ACAA2: variants seen among roughly 807,000 people sequenced by gnomAD.
ACAA2 encodes the protein acetyl-CoA acyltransferase 2, also known as 3-ketoacyl-CoA thiolase, mitochondrial.
In ACAA2, 35 loss-of-function variants were observed where a neutral mutation model predicts 44.8. The ratio of observed to expected loss-of-function variants is 0.78; its 90% CI spans 0.60 to 1.04. The LOEUF (loss-of-function observed/expected upper bound fraction) is 1.04. ACAA2 is among the 50% of genes least tolerant of loss of function. The pLI is 0.00. For synonymous variants in ACAA2, 142 were observed against 166.5 expected, an observed-to-expected ratio of 0.85 and a Z score of 1.13; for missense variants, 468 against 482.6, an observed-to-expected ratio of 0.97 and a Z score of 0.28.
At chr18:49,798,268 G>C (rs2023487910) in intron 2 of ACAA2, among the ~76,000 whole-genome samples, 1 of 152,186 alleles carries the variant, frequency 6.6e-6, no homozygotes, top group Non-Finnish European at 1.5e-5. Flanking sequence ...GGAGAAGACA[G>C]ATGAATGATT....
chr18:49,805,322 T>A (rs142258710), intron 1 of ACAA2, among the ~76,000 whole-genome samples: 1 of 152,216 alleles, frequency 6.6e-6, no homozygotes, highest in Non-Finnish European at 1.5e-5. Context: ...ATTCCTATTT[T>A]GAGAAATTTG....
chr18:49,813,532 C>G lies in ACAA2; in HGVS notation c.-48G>C. The stretch of plus-strand genomic sequence containing the variant: ...GCGCGGGTCTGTGGTGTGGGGGACG[C>G]TGAGCGGCCGCTCGCAATCACCCAG... On this transcript the variant is annotated 5_prime_UTR_variant, in exon 1 of 10. Coordinates refer to ENST00000285093, the MANE Select transcript of ACAA2 (RefSeq NM_006111.3). 8.1e-7 allele frequency: 1 copy of G among 1,237,110 alleles called. No homozygotes were observed. Among genetic ancestry groups the G allele is most frequent in the Non-Finnish European group, 1.0e-6 (1 of 988,022 alleles). 76.6% of individuals were successfully genotyped at this position (1,237,110 alleles called of 1,614,324 possible).
chr18:49,802,888 A>G (rs753281700), intron 1 of ACAA2, 35 bp from the exon 2 acceptor site: 2 of 1,610,794 alleles, frequency 1.2e-6, no homozygotes, highest in Non-Finnish European at 1.7e-6. Context: ...AAGCCATCAC[A>G]GGTTAGTAAA....
rs1008697681 is a variant in ACAA2 at position 49,783,887 on chromosome 18, C to G, written c.1154G>C (p.Gly385Ala). ...KYAVGSACIG[G>A]GQGIAVIIQS... The stretch of plus-strand genomic sequence containing the variant: ...AATGATGACAGCAATACCTTGGCCA[C>G]CTCCAATGCAAGCTGATCCAACGGC... Residue 385 changes from glycine to alanine, a missense_variant, in exon 10 of 10, where the codon GGT becomes GCT. Coordinates refer to ENST00000285093, the MANE Select transcript of ACAA2 (RefSeq NM_006111.3). The G allele has an allele frequency of 1.9e-6, 3 of 1,614,008 alleles. No individual in the cohort carries two copies. Among genetic ancestry groups the G allele is most frequent in the Non-Finnish European group, 2.5e-6 (3 of 1,179,988 alleles).
intron 1 of ACAA2, among the ~76,000 whole-genome samples, chr18:49,812,497 T>C (rs543404331): frequency 2.6e-5 from 4 of 152,208 alleles, no homozygotes; most frequent in South Asian, 2.1e-4. Context: ...CAAATCCACC[T>C]CCAAATCTAT....
At chr18:49,806,940 C>G (rs1443997899) in intron 1 of ACAA2, among the ~76,000 whole-genome samples, 1 of 149,866 alleles carries the variant, frequency 6.7e-6, no homozygotes. Context: ...ATCTGAAGAA[C>G]AGATGAAAAA....
At chr18:49,791,224 G>C (rs1446444285) in intron 7 of ACAA2, among the ~76,000 whole-genome samples, 2 of 152,210 alleles carry the variant, frequency 1.3e-5, no homozygotes, top group Admixed American at 1.3e-4. Flanking sequence ...TAATTACTGT[G>C]TGTTGATTTT....
At chr18:49,790,174 T>A (rs978513761) in intron 7 of ACAA2, among the ~76,000 whole-genome samples, 1 of 152,240 alleles carries the variant, frequency 6.6e-6, no homozygotes, top group Non-Finnish European at 1.5e-5. Context: ...CAATAGTGGA[T>A]AGCCAAAAGC....
intron 1 of ACAA2, 108 bp downstream of exon 1, chr18:49,813,361 G>A: frequency 1.1e-6 from 1 of 897,838 alleles, no homozygotes; most frequent in Non-Finnish European, 1.5e-6. Context: ...GAGGTTGAGT[G>A]AACTTCACCC....
intron 1 of ACAA2, among the ~76,000 whole-genome samples, chr18:49,803,348 A>G (rs998447835): frequency 6.6e-6 from 1 of 151,942 alleles, no homozygotes; most frequent in African/African-American, 2.4e-5. Flanking sequence ...AAAGCATTGC[A>G]AAACTTTCTG....
chr18:49,810,297 T>C (rs1016291399), intron 1 of ACAA2, among the ~76,000 whole-genome samples: 1 of 152,176 alleles, frequency 6.6e-6, no homozygotes, highest in Non-Finnish European at 1.5e-5. Context: ...TGTCAAACTT[T>C]TGAAATCCAA....
intron 1 of ACAA2, among the ~76,000 whole-genome samples, chr18:49,806,735 T>C (rs932186781): frequency 6.6e-6 from 1 of 152,046 alleles, no homozygotes; most frequent in African/African-American, 2.4e-5. Flanking sequence ...TGCTCAAGGA[T>C]GTAGAGGAAA....
chr18:49,810,658 T>C (rs1197066044), intron 1 of ACAA2, among the ~76,000 whole-genome samples: 2 of 152,076 alleles, frequency 1.3e-5, no homozygotes, highest in African/African-American at 4.8e-5. Flanking sequence ...AGAGAAAATG[T>C]TCTCAATCAT....
At position 49,792,409 on chromosome 18, in the gene ACAA2, C is replaced by A. The variant is rs1598793888; in HGVS notation, c.578-82G>T. 6 of 1,222,008 alleles carry A rather than the reference C, an allele frequency of 4.9e-6. No homozygotes were observed. In the East Asian group the frequency reaches 1.5e-4, roughly 30 times the overall value. The allele number at this position is 1,222,008 out of a possible 1,614,324, so 75.7% of individuals were successfully genotyped here. ...TCAAACATATTATTCAATTTAATTT[C>A]TGATCTACCTTTTCCTCACAGTCTA... On this transcript the variant is annotated intron_variant, in intron 5 of 9. Transcript: ENST00000285093.
chr18:49,807,102 C>T (rs1182678787), intron 1 of ACAA2, among the ~76,000 whole-genome samples: 1 of 152,202 alleles, frequency 6.6e-6, no homozygotes, highest in Admixed American at 6.5e-5. Context: ...AATGCGTCAA[C>T]TTTGATAGTG....
At chr18:49,791,347 G>A (rs746814586) in intron 7 of ACAA2, 123 bp downstream of exon 7, 12 of 864,374 alleles carry the variant, frequency 1.4e-5, no homozygotes, top group Admixed American at 2.5e-5. Flanking sequence ...TATTTAAACT[G>A]ATTACCAATC....
chr18:49,802,640 T>C, intron 2 of ACAA2, 47 bp downstream of exon 2: 1 of 1,533,568 alleles, frequency 6.5e-7, no homozygotes, highest in Non-Finnish European at 8.8e-7. Context: ...TTTTAGAAAC[T>C]GATCAAAGAA....
At chr18:49,799,740 G>C (rs1359483119) in intron 2 of ACAA2, among the ~76,000 whole-genome samples, 2 of 151,306 alleles carry the variant, frequency 1.3e-5, no homozygotes, top group Non-Finnish European at 2.9e-5. Flanking sequence ...GAGCGTCTCT[G>C]CCTGGCCGCC....
intron 1 of ACAA2, among the ~76,000 whole-genome samples, chr18:49,804,711 A>G (rs1200282740): frequency 6.6e-6 from 1 of 152,234 alleles, no homozygotes; most frequent in African/African-American, 2.4e-5. Flanking sequence ...AATACAAACT[A>G]AGACTATAAA....
Sources: gnomAD v4.1 joint callset for allele counts (sites outside exome capture counted in the v4.1 genomes callset) on GRCh38, gnomAD v4.1.1 for gene constraint, MANE v1.5 for transcripts, NCBI Gene and HGNC (gene_info 2026-07-23, HGNC 2026-07-21) for gene names.